Variants in DLG2 observed in about 807,000 individuals in gnomAD.
DLG2 encodes the protein disks large homolog 2.
In DLG2, 45 loss-of-function variants were observed where a neutral mutation model predicts 132.5. That is an observed-to-expected ratio of 0.34 (90% CI 0.27 to 0.44). DLG2 has a LOEUF of 0.44. Among genes scored for constraint, DLG2 ranks in the 20% least tolerant of loss-of-function variants. The probability of loss-of-function intolerance (pLI) is 1.00; values close to 1 mark genes in which losing one functional copy is unlikely to be tolerated. For missense variants in DLG2, 1,045 were observed against 1,196.9 expected, an observed-to-expected ratio of 0.87 and a Z score of 1.87; for synonymous variants, 424 against 419.6, an observed-to-expected ratio of 1.01 and a Z score of -0.13.
chr11:84,701,621 C>A (rs984263818), intron 6 of DLG2, among the ~76,000 whole-genome samples: 1 of 151,494 alleles, frequency 6.6e-6, no homozygotes, highest in Non-Finnish European at 1.5e-5. Context: ...TCCCCCAACC[C>A]AGGCACATTT....
rs146177448 is a variant in DLG2, at chr11:85,605,086, A to G, written c.-92-6298T>C. On this transcript the variant is annotated intron_variant, in intron 2 of 27. Coordinates refer to ENST00000376104, the MANE Select transcript of DLG2 (RefSeq NM_001142699.3). ...AAAATAAAGCATTTAGAATAGTGAA[A>G]TTATTTTACATAAATCTATTCAACA... is the stretch of plus-strand genomic sequence containing the variant. Among the ~76,000 whole-genome samples the G allele has an allele frequency of 4.3e-3, 652 of 152,344 alleles. 10 individuals carry two copies. The highest frequency in any genetic ancestry group is 0.014 in the African/African-American group (574 of 41,568).
intron 18 of DLG2, among the ~76,000 whole-genome samples, chr11:83,712,270 C>G (rs1220385822): frequency 6.6e-6 from 1 of 152,132 alleles, no homozygotes; most frequent in Non-Finnish European, 1.5e-5. Context: ...AAATGCCCAT[C>G]AATGATAGAC....
chr11:85,412,760 C>CACATATATATATAT (rs756868795), intron 3 of DLG2, among the ~76,000 whole-genome samples: 37 of 113,270 alleles, frequency 3.3e-4, no homozygotes, highest in African/African-American at 1.2e-3. Context: ...CACACACACA[C>CACATATATATATAT]ATATATATAT....
rs577619935 is a variant in DLG2, at chr11:85,459,914, C to T, written c.40+138743G>A. On this transcript the variant is annotated intron_variant, in intron 3 of 27. Coordinates refer to ENST00000376104, the MANE Select transcript of DLG2 (RefSeq NM_001142699.3). ...ACTCATGTGTAGAACACTCTGGCCA[C>T]TTTTCCATGGGATGGCTGTGCTGTA... is the stretch of plus-strand genomic sequence containing the variant. Among the ~76,000 whole-genome samples, 15 of 152,334 alleles carry T rather than the reference C, an allele frequency of 9.8e-5. 1 individual carries two copies. Among genetic ancestry groups the T allele is most frequent in the African/African-American group, 3.4e-4 (14 of 41,566 alleles).
intron 17 of DLG2, among the ~76,000 whole-genome samples, chr11:83,832,601 C>T (rs1332682822): frequency 1.3e-5 from 2 of 151,918 alleles, no homozygotes; most frequent in African/African-American, 4.8e-5. Flanking sequence ...CTGGGGACTC[C>T]TAGAGTGGGG....
chr11:84,083,040 G>A (rs921994787), intron 10 of DLG2, among the ~76,000 whole-genome samples: 7 of 152,156 alleles, frequency 4.6e-5, no homozygotes, highest in African/African-American at 1.7e-4. Context: ...AGCACTTTTG[G>A]AGGCCAAGGC....
At chr11:83,884,164 G>A (rs981265899) in intron 15 of DLG2, among the ~76,000 whole-genome samples, 1 of 152,250 alleles carries the variant, frequency 6.6e-6, no homozygotes, top group Non-Finnish European at 1.5e-5. Flanking sequence ...GGAAGCACAA[G>A]GGGTCAGGGA....
At chr11:85,616,004 G>T (rs571516639) in intron 2 of DLG2, among the ~76,000 whole-genome samples, 1 of 142,880 alleles carries the variant, frequency 7.0e-6, no homozygotes, top group South Asian at 2.3e-4. Flanking sequence ...CTCTTGATTT[G>T]ATCCTCACAA....
At chr11:85,435,111 A>T (rs2091406459) in intron 3 of DLG2, among the ~76,000 whole-genome samples, 1 of 152,242 alleles carries the variant, frequency 6.6e-6, no homozygotes, top group African/African-American at 2.4e-5. Flanking sequence ...AATAAAATTC[A>T]ACATCCCTTC....
intron 8 of DLG2, among the ~76,000 whole-genome samples, chr11:84,213,323 T>C (rs911624615): frequency 5.3e-5 from 8 of 152,112 alleles, no homozygotes; most frequent in African/African-American, 1.9e-4. Context: ...GTGAGCTCCT[T>C]AAGAGCAGGA....
chr11:85,153,582 T>TA (rs1437558559), intron 5 of DLG2, among the ~76,000 whole-genome samples: 3 of 152,130 alleles, frequency 2.0e-5, no homozygotes, highest in African/African-American at 7.2e-5. Context: ...AAGATATCCC[T>TA]AAAAAATACT....
At chr11:84,157,535 A>T (rs1337473691) in intron 9 of DLG2, among the ~76,000 whole-genome samples, 1 of 152,126 alleles carries the variant, frequency 6.6e-6, no homozygotes, top group African/African-American at 2.4e-5. Context: ...GGTTCAAATG[A>T]TCCTGCTGCC....
chr11:84,819,840 C>T (rs759118459), intron 6 of DLG2, among the ~76,000 whole-genome samples: 7 of 151,676 alleles, frequency 4.6e-5, no homozygotes, highest in African/African-American at 4.8e-5. Context: ...ACCATACAGC[C>T]ATGAGGAGAA....
intron 6 of DLG2, among the ~76,000 whole-genome samples, chr11:84,797,204 A>G (rs1057008163): frequency 2.6e-5 from 4 of 152,102 alleles, no homozygotes; most frequent in African/African-American, 9.7e-5. Flanking sequence ...GTCTTGAGGT[A>G]GTCTTCTTTG....
rs113436905 is a variant in DLG2, at chr11:84,934,504, G to GTTTTTTTTTTTTT, written c.357+177156_357+177157insAAAAAAAAAAAAA. On this transcript the variant is annotated intron_variant, in intron 6 of 27. Transcript: ENST00000376104. The stretch of plus-strand genomic sequence containing the variant: ...TCTGTGAATCTGTATGGTCCTGGGT[G>GTTTTTTTTTTTTT]TTTTTTTTTTGTTTTGTTTTGTTTT... Among the ~76,000 whole-genome samples the GTTTTTTTTTTTTT allele has an allele frequency of 9.1e-4, 31 of 33,882 alleles. 3 individuals carry two copies. Among genetic ancestry groups the GTTTTTTTTTTTTT allele is most frequent in the South Asian group, 1.1e-3 (1 of 910 alleles). 22.2% of individuals were successfully genotyped at this position (33,882 alleles called of 152,430 possible). A position where few individuals can be genotyped will look rare whatever the true frequency, so the allele number is the denominator to read the frequency against.
chr11:84,766,025 A>T (rs2153876972), intron 6 of DLG2, among the ~76,000 whole-genome samples: 1 of 152,160 alleles, frequency 6.6e-6, no homozygotes, highest in East Asian at 1.9e-4. Context: ...ACATTCCCAT[A>T]ATACCTTCAG....
chr11:84,590,453 C>T (rs753831178), intron 6 of DLG2, among the ~76,000 whole-genome samples: 2 of 152,192 alleles, frequency 1.3e-5, no homozygotes, highest in African/African-American at 2.4e-5. Context: ...ACAGCGCCTT[C>T]ATGCTTTGTA....
At chr11:84,797,797 G>C (rs945982637) in intron 6 of DLG2, among the ~76,000 whole-genome samples, 2 of 152,138 alleles carry the variant, frequency 1.3e-5, no homozygotes, top group Non-Finnish European at 2.9e-5. Context: ...GCATTGAAGA[G>C]CTCGGGATTT....
intron 4 of DLG2, among the ~76,000 whole-genome samples, chr11:85,186,688 C>T (rs17810172): frequency 0.047 from 7,181 of 152,130 alleles, 241 homozygotes; most frequent in East Asian, 0.11. Flanking sequence ...ACTGTCACAT[C>T]CTGACCTATC....
Sources: gnomAD v4.1 joint callset for allele counts (sites outside exome capture counted in the v4.1 genomes callset) on GRCh38, gnomAD v4.1.1 for gene constraint, MANE v1.5 for transcripts, NCBI Gene and HGNC (gene_info 2026-07-23, HGNC 2026-07-21) for gene names.